MLF2: variants seen among roughly 807,000 people sequenced by gnomAD.
MLF2 encodes the protein myeloid leukemia factor 2, also known as myelodysplasia-myeloid leukemia factor 2.
In MLF2, 12 loss-of-function variants were observed where a neutral mutation model predicts 31.4. The observed-to-expected ratio is 0.38, with a 90% confidence interval of 0.24 to 0.62. The LOEUF is 0.62. Ranked by LOEUF, MLF2 falls within the 20% of genes least tolerant of loss-of-function variation. MLF2 has a pLI of 0.58. For synonymous variants in MLF2, 109 were observed against 118.8 expected (o/e 0.92, Z 0.54); for missense variants, 272 against 359.7 (o/e 0.76, Z 1.97).
chr12:6,752,460 G>A lies in MLF2; in HGVS notation c.-28-98C>T. ...CAGAGCACTGTCCTTTCCAAATCCT[G>A]TAACTGACCCCCTAAACTCCAGGGA... On this transcript the variant is annotated intron_variant, in intron 1 of 8. Coordinates refer to ENST00000203630, the MANE Select transcript of MLF2 (RefSeq NM_001382226.1). This position sits in a 1 kb window ranked among gnomAD's most constrained non-coding sequence, Gnocchi z 4.6. 1 of 978,200 alleles carries A rather than the reference G, an allele frequency of 1.0e-6. No individual in the cohort carries two copies. The highest frequency in any genetic ancestry group is 1.5e-6 in the Non-Finnish European group (1 of 654,858). 60.6% of individuals were successfully genotyped at this position (978,200 alleles called of 1,614,324 possible). A position where few individuals can be genotyped will look rare whatever the true frequency, so the allele number is the denominator to read the frequency against.
chr12:6,750,839 C>G lies in MLF2; in HGVS notation c.217-73G>C. 1 of 1,305,160 alleles carries G rather than the reference C, an allele frequency of 7.7e-7. No individual in the cohort carries two copies. The highest frequency in any genetic ancestry group is 1.1e-6 in the Non-Finnish European group (1 of 903,436). The allele number at this position is 1,305,160 out of a possible 1,614,324, so 80.8% of individuals were successfully genotyped here. On this transcript the variant is annotated intron_variant, in intron 4 of 8. Transcript: ENST00000203630. The surrounding 1 kb of genome is among the most constrained non-coding windows in gnomAD (Gnocchi z 5.3). ...TCAGAGTTGATCCTGTTTAGGAACC[C>G]ACAACCCACATGGCTGCACATTTCC...
intron 4 of MLF2, chr12:6,751,194 G>A (rs1941607419): frequency 7.8e-6 from 2 of 256,040 alleles, no homozygotes; most frequent in South Asian, 9.5e-5. Context: ...TGAACTTCTA[G>A]GAGTACAACA....
At chr12:6,751,226 T>C (rs1941608634) in intron 4 of MLF2, 2 of 233,990 alleles carry the variant, frequency 8.5e-6, no homozygotes, top group Non-Finnish European at 8.4e-6. Flanking sequence ...CTTTTCTTTT[T>C]TTTTTTTTTG....
intron 3 of MLF2, 69 bp downstream of exon 3, chr12:6,751,856 A>G: frequency 1.2e-6 from 2 of 1,601,476 alleles, no homozygotes; most frequent in Non-Finnish European, 1.7e-6. Context: ...GTAGTGCAAG[A>G]AAATTAAGTG....
In MLF2 at chr12:6,749,041, T is replaced by G. The variant is rs935561431; in HGVS notation, c.560-59A>C. 47 of 1,467,892 alleles carry G rather than the reference T, an allele frequency of 3.2e-5. No individual in the cohort carries two copies. Among genetic ancestry groups the G allele is most frequent in the Non-Finnish European group, 4.0e-5 (45 of 1,112,986 alleles). 90.9% of individuals were successfully genotyped at this position (1,467,892 alleles called of 1,614,324 possible). A position where few individuals can be genotyped will look rare whatever the true frequency, so the allele number is the denominator to read the frequency against. The stretch of plus-strand genomic sequence containing the variant: ...GCGGCCTGGCTCCTGGAGGCCGATG[T>G]GCGAGCGAGCCACAGCTTTTCGGGC... On this transcript the variant is annotated intron_variant, in intron 7 of 8. Transcript: ENST00000203630. This position sits in a 1 kb window ranked among gnomAD's most constrained non-coding sequence, Gnocchi z 5.3.
rs1336114913 is a variant in MLF2 at position 6,750,820 on chromosome 12, T to C, written c.217-54A>G. 6.4e-6 allele frequency: 10 copies of C among 1,553,628 alleles called. No individual in the cohort carries two copies. Among genetic ancestry groups the C allele is most frequent in the Non-Finnish European group, 1.8e-6 (2 of 1,126,952 alleles). ...AGGAAAGCAAAGTCAGTGTTCAGAG[T>C]TGATCCTGTTTAGGAACCCACAACC... On this transcript the variant is annotated intron_variant, in intron 4 of 8. Coordinates refer to ENST00000203630, the MANE Select transcript of MLF2 (RefSeq NM_001382226.1). This position sits in a 1 kb window ranked among gnomAD's most constrained non-coding sequence, Gnocchi z 5.3.
Position 6,749,302 on chromosome 12 carries a change from T to G in MLF2, c.560-320A>C, listed in dbSNP as rs1941573908. ...GAGGGGAGAAAGAAACGGATCAAGG[T>G]GGAGAAGGGTGTAACACTATCAATA... On this transcript the variant is annotated intron_variant, in intron 7 of 8. Transcript: ENST00000203630. The surrounding 1 kb of genome is among the most constrained non-coding windows in gnomAD (Gnocchi z 5.3). 6.6e-6 allele frequency among the ~76,000 whole-genome samples: 1 copy of G among 152,024 alleles called. No individual in the cohort carries two copies. The highest frequency in any genetic ancestry group is 2.1e-4 in the South Asian group (1 of 4,826).
rs1941630973 is a variant in MLF2, at chr12:6,752,457, C to T, written c.-28-95G>A. 12 of 1,011,784 alleles carry T rather than the reference C, an allele frequency of 1.2e-5. No individual in the cohort carries two copies. The highest frequency in any genetic ancestry group is 1.8e-5 in the Non-Finnish European group (12 of 683,800). 62.7% of individuals were successfully genotyped at this position (1,011,784 alleles called of 1,614,324 possible). On this transcript the variant is annotated intron_variant, in intron 1 of 8. Coordinates refer to ENST00000203630, the MANE Select transcript of MLF2 (RefSeq NM_001382226.1). This position sits in a 1 kb window ranked among gnomAD's most constrained non-coding sequence, Gnocchi z 4.6. ...TCTCAGAGCACTGTCCTTTCCAAAT[C>T]CTGTAACTGACCCCCTAAACTCCAG... is the stretch of plus-strand genomic sequence containing the variant.
chr12:6,752,125 A>G lies in MLF2; in HGVS notation c.51-71T>C. 2 of 1,605,646 alleles carry G rather than the reference A, an allele frequency of 1.2e-6. No homozygotes were observed. Among genetic ancestry groups the G allele is most frequent in the African/African-American group, 1.3e-5 (1 of 74,898 alleles). On this transcript the variant is annotated intron_variant, in intron 2 of 8. Coordinates refer to ENST00000203630, the MANE Select transcript of MLF2 (RefSeq NM_001382226.1). The surrounding 1 kb of genome is among the most constrained non-coding windows in gnomAD (Gnocchi z 4.6). ...CAATCCCTCCACCACCCTGCAAAAA[A>G]ATACGCACAGAGCAACAGTGGCACC...
In MLF2 at chr12:6,751,961, C is replaced by T. The variant is rs558096314; in HGVS notation, c.144G>A (p.Met48Ile). ...GGCGGCTGGCAGGCCTGGTCCCTGGCATGTTGCCATCTGTGATGCTGAGGA... is the reference window on the plus strand; with the variant it reads ...GGCGGCTGGCAGGCCTGGTCCCTGGTATGTTGCCATCTGTGATGCTGAGGA... ...SPFLSITDGN[M>I]PGTRPASRRM... The change falls in exon 3 of 9, where the codon ATG (methionine) becomes ATA (isoleucine). Residue 48 changes from methionine (M) to isoleucine (I), a missense_variant. By Grantham distance (10) the Met-to-Ile change is conservative. Transcript: ENST00000203630. 9.3e-6 allele frequency: 15 copies of T among 1,614,240 alleles called. No homozygotes were observed. The South Asian group carries it at 1.5e-4, about 17-fold the overall frequency.
Position 6,751,960 on chromosome 12 carries a change from G to C in MLF2, c.145C>G (p.Pro49Ala). 1 of 1,614,196 alleles carries C rather than the reference G, an allele frequency of 6.2e-7. No individual in the cohort carries two copies. The highest frequency in any genetic ancestry group is 8.5e-7 in the Non-Finnish European group (1 of 1,180,036). The change falls in exon 3 of 9, where the codon CCA (proline) becomes GCA (alanine). Residue 49 changes from proline to alanine, a missense_variant. By Grantham distance (27) the Pro-to-Ala change is conservative (BLOSUM62 -1). Coordinates refer to ENST00000203630, the MANE Select transcript of MLF2 (RefSeq NM_001382226.1). ...CGGCGGCTGGCAGGCCTGGTCCCTG[G>C]CATGTTGCCATCTGTGATGCTGAGG... ...PFLSITDGNM[P>A]GTRPASRRMQ...
At chr12:6,751,888 C>T in intron 3 of MLF2, 37 bp downstream of exon 3, 5 of 1,610,802 alleles carry the variant, frequency 3.1e-6, no homozygotes, top group Non-Finnish European at 4.2e-6. Flanking sequence ...AACCTCCAAC[C>T]TTTCTTTGGG....
chr12:6,749,821 A>G lies in MLF2; in HGVS notation c.559+27T>C, dbSNP rs1941585001. The G allele has an allele frequency of 1.9e-6, 3 of 1,612,108 alleles. No homozygotes were observed. Among genetic ancestry groups the G allele is most frequent in the Non-Finnish European group, 2.5e-6 (3 of 1,179,246 alleles). On this transcript the variant is annotated intron_variant, in intron 7 of 8. Transcript: ENST00000203630. The surrounding 1 kb of genome is among the most constrained non-coding windows in gnomAD (Gnocchi z 5.3). ...CACGGGAACCGGGTTAGGGGCTGCC[A>G]GCCAGGAAGCGGGAGGGAAGGCTCA...
rs1414803132 is a variant in MLF2, at chr12:6,750,851, G to A, written c.217-85C>T. 1 of 1,163,756 alleles carries A rather than the reference G, an allele frequency of 8.6e-7. No individual in the cohort carries two copies. Among genetic ancestry groups the A allele is most frequent in the Non-Finnish European group, 1.3e-6 (1 of 778,352 alleles). The allele number at this position is 1,163,756 out of a possible 1,614,324, so 72.1% of individuals were successfully genotyped here. A position where few individuals can be genotyped will look rare whatever the true frequency, so the allele number is the denominator to read the frequency against. Reference sequence around the variant, plus strand: ...CTGTTTAGGAACCCACAACCCACATGGCTGCACATTTCCTTTCTCTTCTTC... The same window carrying A: ...CTGTTTAGGAACCCACAACCCACATAGCTGCACATTTCCTTTCTCTTCTTC... On this transcript the variant is annotated intron_variant, in intron 4 of 8. Transcript: ENST00000203630. This position sits in a 1 kb window ranked among gnomAD's most constrained non-coding sequence, Gnocchi z 5.3.
chr12:6,751,805 C>A, intron 3 of MLF2, 120 bp downstream of exon 3: 1 of 1,568,838 alleles, frequency 6.4e-7, no homozygotes, highest in South Asian at 1.1e-5. Flanking sequence ...TTTCCTGACC[C>A]TTTCCCCAAC....
intron 4 of MLF2, 111 bp downstream of exon 4, chr12:6,751,530 G>A: frequency 2.4e-6 from 3 of 1,256,832 alleles, no homozygotes; most frequent in Non-Finnish European, 3.5e-6. Context: ...CATAAAAAGA[G>A]AAGATTCTGG....
Position 6,752,322 on chromosome 12 carries a change from T to G in MLF2, c.13A>C (p.Met5Leu). 1 of 1,561,396 alleles carries G rather than the reference T, an allele frequency of 6.4e-7. No individual in the cohort carries two copies. Among genetic ancestry groups the G allele is most frequent in the Non-Finnish European group, 8.7e-7 (1 of 1,151,878 alleles). The part of the protein sequence containing the change: MFRF[M>L]RDVEPEDPMF... ...GGATCCTCAGGCTCCACGTCCCTCA[T>G]GAAGCGGAACATCCTGATCTCAGCT... The change falls in exon 2 of 9, where the codon ATG becomes CTG. Residue 5 changes from methionine to leucine, a missense_variant. Physicochemically the swap from Met to Leu is conservative, Grantham distance 15. Transcript: ENST00000203630. This position sits in a 1 kb window ranked among gnomAD's most constrained non-coding sequence, Gnocchi z 4.6.
In MLF2 at chr12:6,753,121, C is replaced by A. The variant is rs1464248338; in HGVS notation, c.-211G>T. ...CCCTCGGCCAACGGAGCCCGAACCTCGGCCAGGCCCGGGCGGAAGTGACGT... is the reference window on the plus strand; with the variant it reads ...CCCTCGGCCAACGGAGCCCGAACCTAGGCCAGGCCCGGGCGGAAGTGACGT... On this transcript the variant is annotated 5_prime_UTR_variant, in exon 1 of 9. Coordinates refer to ENST00000203630, the MANE Select transcript of MLF2 (RefSeq NM_001382226.1). 2 of 394,206 alleles carry A rather than the reference C, an allele frequency of 5.1e-6. No homozygotes were observed. Among genetic ancestry groups the A allele is most frequent in the Non-Finnish European group, 8.9e-6 (2 of 223,838 alleles). 24.4% of individuals were successfully genotyped at this position (394,206 alleles called of 1,614,324 possible). A position where few individuals can be genotyped will look rare whatever the true frequency, so the allele number is the denominator to read the frequency against.
chr12:6,750,354 T>A lies in MLF2; in HGVS notation c.271-49A>T. On this transcript the variant is annotated intron_variant, in intron 5 of 8. Coordinates refer to ENST00000203630, the MANE Select transcript of MLF2 (RefSeq NM_001382226.1). This position sits in a 1 kb window ranked among gnomAD's most constrained non-coding sequence, Gnocchi z 5.3. ...GGGCTGAATGGGGAGGCATCACCCC[T>A]GGTGAAGGGATTTCACCCTTCAGCT... 1 of 1,595,102 alleles carries A rather than the reference T, an allele frequency of 6.3e-7. No individual in the cohort carries two copies. Among genetic ancestry groups the A allele is most frequent in the Non-Finnish European group, 8.6e-7 (1 of 1,169,058 alleles).
Sources: gnomAD v4.1 joint callset for allele counts (sites outside exome capture counted in the v4.1 genomes callset) on GRCh38, gnomAD v4.1.1 for gene constraint, Gnocchi (gnomAD v3.1) non-coding constraint, MANE v1.5 for transcripts, NCBI Gene and HGNC (gene_info 2026-07-23, HGNC 2026-07-21) for gene names.